INPP4B: variants seen among roughly 807,000 people sequenced by gnomAD.
INPP4B encodes the protein inositol polyphosphate-4-phosphatase type II B, also known as inositol polyphosphate 4-phosphatase type II.
A neutral mutation model predicts 122.5 loss-of-function variants in INPP4B; 55 were observed. The ratio of observed to expected loss-of-function variants is 0.45; its 90% CI spans 0.36 to 0.56. INPP4B has a LOEUF of 0.56. Among genes scored for constraint, INPP4B ranks in the 20% least tolerant of loss-of-function variants. INPP4B has a pLI of 0.00. For missense variants in INPP4B, 1,000 were observed against 1,097.7 expected, an observed-to-expected ratio of 0.91 and a Z score of 1.26; for synonymous variants, 403 against 388.7, an observed-to-expected ratio of 1.04 and a Z score of -0.43.
intron 12 of INPP4B, among the ~76,000 whole-genome samples, chr4:142,237,444 T>C (rs1004441006): frequency 6.6e-6 from 1 of 152,162 alleles, no homozygotes; most frequent in Non-Finnish European, 1.5e-5. Context: ...TTAACTTTAA[T>C]AATATATTTT....
intron 12 of INPP4B, among the ~76,000 whole-genome samples, chr4:142,233,779 T>C (rs1855494382): frequency 6.6e-6 from 1 of 152,022 alleles, no homozygotes; most frequent in African/African-American, 2.4e-5. Flanking sequence ...AATTCTTACA[T>C]TATGGTATAT....
intron 8 of INPP4B, among the ~76,000 whole-genome samples, chr4:142,307,112 A>G (rs1032311807): frequency 2.0e-5 from 3 of 152,182 alleles, no homozygotes; most frequent in Non-Finnish European, 2.9e-5. Context: ...TGAGTGATGA[A>G]GTAGAGTGAA....
intron 2 of INPP4B, among the ~76,000 whole-genome samples, chr4:142,649,250 C>A (rs1356513534): frequency 6.6e-6 from 1 of 152,176 alleles, no homozygotes; most frequent in Non-Finnish European, 1.5e-5. Context: ...TAGATAAAAC[C>A]ACAAAGATGG....
chr4:142,283,915 A>G (rs920307118), intron 9 of INPP4B, among the ~76,000 whole-genome samples: 1 of 152,134 alleles, frequency 6.6e-6, no homozygotes, highest in East Asian at 1.9e-4. Context: ...AGCAACCAGC[A>G]AAAGAAACAG....
At chr4:142,234,373 A>G (rs1855767243) in intron 12 of INPP4B, among the ~76,000 whole-genome samples, 1 of 152,018 alleles carries the variant, frequency 6.6e-6, no homozygotes, top group African/African-American at 2.4e-5. Context: ...TTAAAATTTC[A>G]TTATTTAGTG....
intron 8 of INPP4B, among the ~76,000 whole-genome samples, chr4:142,312,231 G>T (rs974551104): frequency 6.6e-6 from 1 of 152,130 alleles, no homozygotes; most frequent in African/African-American, 2.4e-5. Context: ...GCCTTGATGA[G>T]GAGCCAGTAT....
intron 7 of INPP4B, among the ~76,000 whole-genome samples, chr4:142,332,958 C>T (rs1443972055): frequency 6.8e-6 from 1 of 147,526 alleles, no homozygotes; most frequent in African/African-American, 2.5e-5. Context: ...TTGTAGTAAG[C>T]CGAGATCGCG....
intron 2 of INPP4B, among the ~76,000 whole-genome samples, chr4:142,695,483 T>C (rs1760901530): frequency 6.6e-6 from 1 of 152,228 alleles, no homozygotes; most frequent in African/African-American, 2.4e-5. Context: ...GTCTTAGTTC[T>C]TACTGTGCTT....
At chr4:142,382,657 T>TTA (rs1157657418) in intron 7 of INPP4B, among the ~76,000 whole-genome samples, 5 of 111,498 alleles carry the variant, frequency 4.5e-5, no homozygotes, top group Non-Finnish European at 7.2e-5. Flanking sequence ...TTATATATAT[T>TTA]TATATATATA....
intron 7 of INPP4B, among the ~76,000 whole-genome samples, chr4:142,332,745 C>T (rs766168705): frequency 1.3e-4 from 20 of 151,814 alleles, no homozygotes; most frequent in Non-Finnish European, 2.5e-4. Flanking sequence ...TGGCTCACGC[C>T]TGTAATCCCA....
At chr4:142,373,755 T>G (rs769981116) in intron 7 of INPP4B, among the ~76,000 whole-genome samples, 14 of 151,958 alleles carry the variant, frequency 9.2e-5, no homozygotes, top group Non-Finnish European at 1.8e-4. Context: ...ATATAGAACA[T>G]TTTAATATAA....
chr4:142,094,441 A>G (rs765587510), intron 23 of INPP4B, among the ~76,000 whole-genome samples: 16 of 152,194 alleles, frequency 1.1e-4, no homozygotes, highest in Non-Finnish European at 1.8e-4. Flanking sequence ...TTGAGAGTGC[A>G]TTCTCCACAC....
At chr4:142,332,958 C>A (rs1443972055) in intron 7 of INPP4B, among the ~76,000 whole-genome samples, 1 of 147,526 alleles carries the variant, frequency 6.8e-6, no homozygotes, top group African/African-American at 2.5e-5. Flanking sequence ...TTGTAGTAAG[C>A]CGAGATCGCG....
chr4:142,451,905 G>A (rs1353426044), intron 3 of INPP4B, among the ~76,000 whole-genome samples: 2 of 152,168 alleles, frequency 1.3e-5, no homozygotes, highest in Non-Finnish European at 2.9e-5. Flanking sequence ...GGGGTGCTCT[G>A]TCTATCTCTG....
intron 2 of INPP4B, among the ~76,000 whole-genome samples, chr4:142,480,828 A>C (rs1820415904): frequency 6.6e-6 from 1 of 152,134 alleles, no homozygotes; most frequent in Non-Finnish European, 1.5e-5. Flanking sequence ...TCCAAGACGA[A>C]AGTAGTTTTG....
chr4:142,124,896 G>C (rs994150016), intron 18 of INPP4B, 136 bp from the exon 19 acceptor site: 2 of 672,696 alleles, frequency 3.0e-6, no homozygotes, highest in South Asian at 3.2e-5. Flanking sequence ...GATTAGAGCT[G>C]AAGATCTCTA....
chr4:142,441,704 G>C (rs1811756895), intron 3 of INPP4B, among the ~76,000 whole-genome samples: 1 of 152,022 alleles, frequency 6.6e-6, no homozygotes, highest in Non-Finnish European at 1.5e-5. Context: ...AGTTGGAAAA[G>C]GCATGGTCAG....
At chr4:142,823,808 C>T (rs1162363048) in intron 1 of INPP4B, among the ~76,000 whole-genome samples, 2 of 152,206 alleles carry the variant, frequency 1.3e-5, no homozygotes, top group Non-Finnish European at 2.9e-5. Flanking sequence ...ACAGTCAGTC[C>T]TTGTGATGGT....
At chr4:142,061,105 A>G (rs1378769978) in intron 25 of INPP4B, among the ~76,000 whole-genome samples, 3 of 152,198 alleles carry the variant, frequency 2.0e-5, no homozygotes, top group African/African-American at 7.2e-5. Flanking sequence ...GTGATGGTTG[A>G]TCCAGGCAGG....
Sources: allele counts gnomAD v4.1 joint callset (sites outside exome capture counted in the v4.1 genomes callset), GRCh38; gene constraint gnomAD v4.1.1; transcripts MANE v1.5; gene names NCBI Gene and HGNC (gene_info 2026-07-23, HGNC 2026-07-21).